The following DMD variants were observed in gnomAD, a reference collection of about 807,000 sequenced individuals.
DMD encodes the protein mutant dystrophin.
A neutral mutation model predicts 330.1 loss-of-function variants in DMD; 63 were observed. That is an observed-to-expected ratio of 0.19 (90% confidence interval 0.16 to 0.24). The LOEUF is 0.24. Ranked by LOEUF, DMD falls within the 10% of genes least tolerant of loss-of-function variation. The pLI is 1.00. For missense variants in DMD, 3,344 were observed against 2,684.1 expected (o/e 1.25, Z -5.43); for synonymous variants, 1,223 against 959.8 (o/e 1.27, Z -5.07).
At chrX:31,834,102 T>G (rs1305698438) in intron 49 of DMD, among the ~76,000 whole-genome samples, 2 of 111,492 alleles carry the variant, frequency 1.8e-5, no homozygotes, top group African/African-American at 6.5e-5. Context: ...TTTTAAATTT[T>G]GATATATGGA....
intron 1 of DMD, among the ~76,000 whole-genome samples, chrX:33,179,555 G>A (rs1195177045): frequency 3.7e-5 from 4 of 108,761 alleles, no homozygotes; most frequent in Admixed American, 9.9e-5. Flanking sequence ...TTAGCCGGGC[G>A]TGGTGGCGGG....
At chrX:31,322,598 T>C (rs73466363) in intron 62 of DMD, among the ~76,000 whole-genome samples, 6,047 of 111,963 alleles carry the variant, frequency 0.054, 374 homozygotes, top group African/African-American at 0.18. Flanking sequence ...CCCATTTTTC[T>C]GAGTTAACAA....
intron 62 of DMD, among the ~76,000 whole-genome samples, chrX:31,303,884 T>C (rs16989509): frequency 0.011 from 1,254 of 112,166 alleles, 23 homozygotes; most frequent in African/African-American, 0.037. Flanking sequence ...TCCCTGGCTA[T>C]ACTTTGGAGG....
At chrX:31,199,207 G>C (rs1204636554) in intron 67 of DMD, among the ~76,000 whole-genome samples, 2 of 111,488 alleles carry the variant, frequency 1.8e-5, no homozygotes, top group Non-Finnish European at 3.8e-5. Context: ...CTCTCAACAG[G>C]GCTGTTTCCA....
chrX:32,689,442 AG>A (rs1195642037), intron 9 of DMD, among the ~76,000 whole-genome samples: 1 of 111,548 alleles, frequency 9.0e-6, no homozygotes, highest in Non-Finnish European at 1.9e-5. Flanking sequence ...AACAAAGAAA[AG>A]CAAAAGACGA....
chrX:32,435,496 G>C (rs2098257490), intron 29 of DMD, among the ~76,000 whole-genome samples: 1 of 109,240 alleles, frequency 9.2e-6, no homozygotes, highest in South Asian at 4.1e-4. Context: ...GAAACAGGAT[G>C]AGGAAACGTA....
At chrX:31,542,972 A>T (rs1187591667) in intron 55 of DMD, among the ~76,000 whole-genome samples, 1 of 111,264 alleles carries the variant, frequency 9.0e-6, no homozygotes, top group Non-Finnish European at 1.9e-5. Flanking sequence ...CTGCTGTTAC[A>T]TGTGGCCACA....
intron 52 of DMD, among the ~76,000 whole-genome samples, chrX:31,700,790 T>A (rs1413742497): frequency 8.9e-6 from 1 of 112,031 alleles, no homozygotes; most frequent in Non-Finnish European, 1.9e-5. Flanking sequence ...TTGCTTAAGA[T>A]GAAAGCCTGA....
chrX:31,405,884 C>T (rs761753236), intron 60 of DMD, among the ~76,000 whole-genome samples: 4 of 111,891 alleles, frequency 3.6e-5, no homozygotes, highest in African/African-American at 6.5e-5. Flanking sequence ...ATAATAGATG[C>T]TTTCAACGAT....
chrX:32,016,957 C>A (rs1460333231), intron 44 of DMD, among the ~76,000 whole-genome samples: 3 of 112,382 alleles, frequency 2.7e-5, no homozygotes, highest in African/African-American at 9.7e-5. Flanking sequence ...AATATGTCAA[C>A]ACAAGAAGTC....
intron 44 of DMD, among the ~76,000 whole-genome samples, chrX:32,145,381 G>A (rs769093228): frequency 6.3e-5 from 7 of 111,789 alleles, no homozygotes; most frequent in African/African-American, 1.6e-4. Flanking sequence ...TGCCTCCAAC[G>A]GATGCTAAAT....
At chrX:31,801,889 G>T (rs1179260135) in intron 50 of DMD, among the ~76,000 whole-genome samples, 1 of 111,164 alleles carries the variant, frequency 9.0e-6, no homozygotes, top group Non-Finnish European at 1.9e-5. Flanking sequence ...CACTAACCTA[G>T]TTTGGGAGGT....
chrX:31,706,371 T>C lies in DMD; in HGVS notation c.7660+23260A>G, dbSNP rs1169310851. ...GGAAAACGACTGAACTTGAAGATTGTACATATTAGCCAGGCAGTTACTCTA... is the reference window on the plus strand; with the variant it reads ...GGAAAACGACTGAACTTGAAGATTGCACATATTAGCCAGGCAGTTACTCTA... On this transcript the variant is annotated intron_variant, in intron 52 of 78. Transcript: ENST00000357033. 3.6e-5 allele frequency among the ~76,000 whole-genome samples: 4 copies of C among 111,151 alleles called. No homozygotes were observed. In the East Asian group the frequency reaches 8.5e-4, roughly 23 times the overall value.
At chrX:31,242,291 A>G (rs1309279656) in intron 63 of DMD, among the ~76,000 whole-genome samples, 2 of 105,148 alleles carry the variant, frequency 1.9e-5, no homozygotes, top group Non-Finnish European at 3.9e-5. Flanking sequence ...AAAAAAAAAA[A>G]TCTGGAGTAG....
chrX:32,339,987 T>C (rs2097733296), intron 41 of DMD, among the ~76,000 whole-genome samples: 1 of 112,041 alleles, frequency 8.9e-6, no homozygotes, highest in Non-Finnish European at 1.9e-5. Context: ...ACTGTGACTA[T>C]CACAAATGAC....
At chrX:32,746,135 T>C (rs2069973788) in intron 7 of DMD, among the ~76,000 whole-genome samples, 1 of 112,126 alleles carries the variant, frequency 8.9e-6, no homozygotes, top group South Asian at 3.7e-4. Flanking sequence ...GGTCCTGTTC[T>C]CTGGGTAATG....
chrX:32,127,880 T>C (rs1406111725), intron 44 of DMD, among the ~76,000 whole-genome samples: 2 of 112,304 alleles, frequency 1.8e-5, no homozygotes, highest in Non-Finnish European at 3.8e-5. Context: ...CCTTCAATTA[T>C]ATGCTATCAT....
intron 2 of DMD, among the ~76,000 whole-genome samples, chrX:32,964,782 A>G (rs1300588032): frequency 1.8e-5 from 2 of 112,141 alleles, no homozygotes; most frequent in Admixed American, 1.9e-4. Context: ...AGAAGTAAAA[A>G]CAGTATATCA....
intron 9 of DMD, among the ~76,000 whole-genome samples, chrX:32,675,147 A>C (rs1358556841): frequency 1.8e-5 from 2 of 111,633 alleles, no homozygotes; most frequent in African/African-American, 6.5e-5. Flanking sequence ...ATTATCAATA[A>C]AATGGAGTCA....
Sources: allele counts gnomAD v4.1 joint callset (sites outside exome capture counted in the v4.1 genomes callset), GRCh38; gene constraint gnomAD v4.1.1; transcripts MANE v1.5; gene names NCBI Gene and HGNC (gene_info 2026-07-23, HGNC 2026-07-21).